The following PTPRD variants were observed in gnomAD, a reference collection of about 807,000 sequenced individuals.
PTPRD encodes the protein receptor-type tyrosine-protein phosphatase delta.
PTPRD carries 34 observed loss-of-function variants against 214.5 expected under a neutral mutation model. That is an observed-to-expected ratio of 0.16 (90% confidence interval 0.12 to 0.21). The LOEUF is 0.21. Ranked by LOEUF, PTPRD falls within the 10% of genes least tolerant of loss-of-function variation. The pLI, the probability that PTPRD is intolerant of heterozygous loss-of-function variation, is 1.00. For missense variants in PTPRD, 2,545 were observed against 2,398.7 expected (o/e 1.06, Z -1.27); for synonymous variants, 1,128 against 845.7 (o/e 1.33, Z -5.79).
At chr9:8,906,235 T>C (rs992796539) in intron 11 of PTPRD, among the ~76,000 whole-genome samples, 5 of 152,222 alleles carry the variant, frequency 3.3e-5, no homozygotes, top group African/African-American at 9.7e-5. Flanking sequence ...TCATGGTTTA[T>C]AGAAGTTTAA....
At chr9:8,562,352 T>C (rs1028562054) in intron 14 of PTPRD, among the ~76,000 whole-genome samples, 1 of 152,134 alleles carries the variant, frequency 6.6e-6, no homozygotes, top group African/African-American at 2.4e-5. Flanking sequence ...CTTTCTAAGA[T>C]TAAAAAATTA....
At chr9:8,400,407 A>T (rs377530197) in intron 36 of PTPRD, among the ~76,000 whole-genome samples, 1 of 152,180 alleles carries the variant, frequency 6.6e-6, no homozygotes, top group South Asian at 2.1e-4. Context: ...ACTCTGGTCC[A>T]CCTGAATGAT....
At chr9:10,371,263 T>C (rs1047881032) in intron 2 of PTPRD, among the ~76,000 whole-genome samples, 4 of 152,000 alleles carry the variant, frequency 2.6e-5, no homozygotes, top group African/African-American at 9.7e-5. Context: ...ACTTGCTGTC[T>C]TCCATGCAAC....
At chr9:9,798,469 G>T (rs1226491300) in intron 5 of PTPRD, among the ~76,000 whole-genome samples, 1 of 152,146 alleles carries the variant, frequency 6.6e-6, no homozygotes, top group African/African-American at 2.4e-5. Flanking sequence ...AGTTTCCTCT[G>T]TGTCCTTGTG....
At chr9:10,207,568 A>G (rs2099489846) in intron 3 of PTPRD, among the ~76,000 whole-genome samples, 1 of 152,044 alleles carries the variant, frequency 6.6e-6, no homozygotes, top group South Asian at 2.1e-4. Flanking sequence ...CTAAATAGTA[A>G]TTGTATTCTA....
chr9:9,963,754 T>C (rs1481166768), intron 4 of PTPRD, among the ~76,000 whole-genome samples: 1 of 152,082 alleles, frequency 6.6e-6, no homozygotes, highest in Non-Finnish European at 1.5e-5. Flanking sequence ...AGGTGATATA[T>C]GAAGAGATGA....
intron 3 of PTPRD, among the ~76,000 whole-genome samples, chr9:10,141,246 G>C (rs952807219): frequency 9.9e-5 from 15 of 152,064 alleles, no homozygotes; most frequent in Non-Finnish European, 2.2e-4. Flanking sequence ...GGAATTTTTG[G>C]CCAGGGCAAT....
At chr9:10,191,020 T>C (rs1303401990) in intron 3 of PTPRD, among the ~76,000 whole-genome samples, 1 of 152,110 alleles carries the variant, frequency 6.6e-6, no homozygotes, top group Non-Finnish European at 1.5e-5. Context: ...TTGGACCACT[T>C]CACTAATAAT....
chr9:9,439,302 C>A (rs916637876), intron 8 of PTPRD, among the ~76,000 whole-genome samples: 1 of 152,046 alleles, frequency 6.6e-6, no homozygotes, highest in Non-Finnish European at 1.5e-5. Context: ...TTAGAAAATT[C>A]ATTCATGCAT....
chr9:9,274,682 G>T (rs562214186), intron 9 of PTPRD, among the ~76,000 whole-genome samples: 2 of 151,018 alleles, frequency 1.3e-5, no homozygotes, highest in Admixed American at 6.6e-5. Flanking sequence ...GGTTGCTCTT[G>T]GTTTATACCC....
At chr9:9,799,302 T>A (rs192453432) in intron 5 of PTPRD, 1 of 152,142 alleles carries the variant, frequency 6.6e-6, no homozygotes, top group African/African-American at 2.4e-5. Flanking sequence ...AATTATAGAA[T>A]GTAGCTCTTT....
chr9:8,892,223 G>C (rs1318109079), intron 11 of PTPRD, among the ~76,000 whole-genome samples: 1 of 152,114 alleles, frequency 6.6e-6, no homozygotes, highest in East Asian at 1.9e-4. Flanking sequence ...GTTCAGACCA[G>C]TGTAGAACTC....
intron 4 of PTPRD, among the ~76,000 whole-genome samples, chr9:9,966,309 A>C (rs568181540): frequency 1.1e-4 from 16 of 152,284 alleles, no homozygotes; most frequent in African/African-American, 3.1e-4. Context: ...ACATTTACTA[A>C]AATCTTCAGA....
At position 9,103,595 on chromosome 9, in the gene PTPRD, C is replaced by T. The variant is rs529839378; in HGVS notation, c.-143+79709G>A. ...TTTAGCATATCCTTTCCTTCTTTAG[C>T]GTATCCTTTGCTTCCATAAGAAAAA... On this transcript the variant is annotated intron_variant, in intron 10 of 45. Coordinates refer to ENST00000381196, the MANE Select transcript of PTPRD (RefSeq NM_002839.4). 3.9e-5 allele frequency among the ~76,000 whole-genome samples: 6 copies of T among 151,922 alleles called. No homozygotes were observed. In the East Asian group the frequency reaches 5.8e-4, roughly 15 times the overall value.
intron 39 of PTPRD, among the ~76,000 whole-genome samples, chr9:8,374,152 G>GTA: frequency 7.0e-6 from 1 of 142,046 alleles, no homozygotes; most frequent in East Asian, 2.1e-4. Context: ...GTGTGTGTGT[G>GTA]TACCGTATTT....
At chr9:8,871,057 T>A (rs562204077) in intron 11 of PTPRD, among the ~76,000 whole-genome samples, 1 of 152,260 alleles carries the variant, frequency 6.6e-6, no homozygotes, top group South Asian at 2.1e-4. Context: ...CTTTAAACCT[T>A]CAAATAAGTA....
At chr9:8,990,311 T>C (rs1329996601) in intron 11 of PTPRD, among the ~76,000 whole-genome samples, 1 of 152,200 alleles carries the variant, frequency 6.6e-6, no homozygotes, top group Non-Finnish European at 1.5e-5. Flanking sequence ...TTACGTGGAA[T>C]ATGGTGAGAT....
At chr9:9,948,396 A>G (rs565391778) in intron 4 of PTPRD, among the ~76,000 whole-genome samples, 106 of 152,124 alleles carry the variant, frequency 7.0e-4, no homozygotes, top group African/African-American at 2.4e-3. Flanking sequence ...GCCTCACCGT[A>G]CTCCATTCCC....
chr9:10,153,394 G>T (rs1190301941), intron 3 of PTPRD, among the ~76,000 whole-genome samples: 1 of 151,042 alleles, frequency 6.6e-6, no homozygotes, highest in East Asian at 1.9e-4. Context: ...TTTTCATATT[G>T]TTTCTAAAAA....
Sources: allele counts gnomAD v4.1 joint callset (sites outside exome capture counted in the v4.1 genomes callset), GRCh38; gene constraint gnomAD v4.1.1; transcripts MANE v1.5; gene names NCBI Gene and HGNC (gene_info 2026-07-23, HGNC 2026-07-21).